The following ROBO1 variants were observed in gnomAD, a reference collection of about 807,000 sequenced individuals.
The protein encoded by ROBO1 is roundabout guidance receptor 1.
Under a neutral mutation model 195.9 loss-of-function variants are expected in ROBO1, and 149 were observed. The observed-to-expected ratio is 0.76, with a 90% CI of 0.67 to 0.87. ROBO1 has a LOEUF of 0.87. Among genes scored for constraint, ROBO1 ranks in the 40% least tolerant of loss-of-function variants. ROBO1 has a pLI of 0.00. For synonymous variants in ROBO1, 816 were observed against 733.2 expected (o/e 1.11, Z -1.82); for missense variants, 1,933 against 2,068.3 (o/e 0.93, Z 1.27).
intron 5 of ROBO1, among the ~76,000 whole-genome samples, chr3:78,718,354 C>T (rs2081954515): frequency 6.6e-6 from 1 of 152,084 alleles, no homozygotes; most frequent in Non-Finnish European, 1.5e-5. Context: ...TCTCTAATAA[C>T]TTAATTTGCC....
intron 2 of ROBO1, among the ~76,000 whole-genome samples, chr3:79,199,209 A>G (rs758534352): frequency 5.9e-4 from 90 of 151,830 alleles, no homozygotes; most frequent in Middle Eastern, 3.2e-3. Context: ...TCCATGCAAA[A>G]TTAAAGTTGT....
chr3:78,692,016 T>C (rs538960922), intron 8 of ROBO1, among the ~76,000 whole-genome samples: 34 of 151,424 alleles, frequency 2.2e-4, no homozygotes, highest in Admixed American at 1.2e-3. Flanking sequence ...TTTGTTGTTG[T>C]ATCAATAAAA....
chr3:78,815,718 ACTC>A (rs1330276266), intron 4 of ROBO1, among the ~76,000 whole-genome samples: 1 of 151,676 alleles, frequency 6.6e-6, no homozygotes, highest in Non-Finnish European at 1.5e-5. Flanking sequence ...ATAAGAAGCA[ACTC>A]CTCATCTGTT....
At chr3:79,599,557 C>T (rs761308360) in intron 1 of ROBO1, among the ~76,000 whole-genome samples, 79 of 151,952 alleles carry the variant, frequency 5.2e-4, no homozygotes, top group Non-Finnish European at 9.6e-4. Context: ...AGTGTAGCTA[C>T]TATAATCATT....
At chr3:78,922,440 G>C (rs1560003572) in intron 4 of ROBO1, among the ~76,000 whole-genome samples, 1 of 152,000 alleles carries the variant, frequency 6.6e-6, no homozygotes, top group Non-Finnish European at 1.5e-5. Flanking sequence ...AATTCTCATA[G>C]AAAAGCATAA....
Position 79,534,642 on chromosome 3 carries a change from G to C in ROBO1, c.88+55182C>G, listed in dbSNP as rs1268733800. Among the ~76,000 whole-genome samples the C allele has an allele frequency of 3.3e-5, 5 of 152,204 alleles. No homozygotes were observed. In the East Asian group the frequency reaches 9.7e-4, roughly 29 times the overall value. On this transcript the variant is annotated intron_variant, in intron 2 of 30. Transcript: ENST00000464233. ...TCTTTTATACCAATGCTTTCCTTTT[G>C]GGTGAGTTTCAAAAGAACTAAATGT...
At chr3:78,938,459 G>A in intron 4 of ROBO1, 142 bp downstream of exon 4, 1 of 648,078 alleles carries the variant, frequency 1.5e-6, no homozygotes, top group East Asian at 2.8e-5. Context: ...AACCGAAATA[G>A]TAGATTGTAT....
At chr3:79,626,831 A>T (rs1945194989) in intron 1 of ROBO1, among the ~76,000 whole-genome samples, 1 of 152,174 alleles carries the variant, frequency 6.6e-6, no homozygotes, top group Non-Finnish European at 1.5e-5. Flanking sequence ...AATGTGCAAA[A>T]GTCACAAGCA....
At chr3:78,830,085 T>C (rs2032017227) in intron 4 of ROBO1, among the ~76,000 whole-genome samples, 1 of 152,134 alleles carries the variant, frequency 6.6e-6, no homozygotes, top group African/African-American at 2.4e-5. Context: ...CCAATTTCTA[T>C]TAAAAGTCAG....
At chr3:78,910,587 TA>T (rs2038183961) in intron 4 of ROBO1, among the ~76,000 whole-genome samples, 1 of 151,828 alleles carries the variant, frequency 6.6e-6, no homozygotes, top group African/African-American at 2.4e-5. Flanking sequence ...CCAAAGTGGA[TA>T]AAGAGGATTA....
intron 2 of ROBO1, among the ~76,000 whole-genome samples, chr3:79,303,396 C>T (rs1449704991): frequency 6.6e-6 from 1 of 152,074 alleles, no homozygotes; most frequent in Non-Finnish European, 1.5e-5. Context: ...GAACTCCTGA[C>T]CTCAGGTGTT....
intron 8 of ROBO1, among the ~76,000 whole-genome samples, chr3:78,708,526 A>G (rs1226274754): frequency 2.0e-5 from 3 of 152,178 alleles, no homozygotes; most frequent in Non-Finnish European, 4.4e-5. Context: ...TAATTTGGCC[A>G]TCATCTGATT....
chr3:79,071,688 G>T (rs1422475330), intron 3 of ROBO1, among the ~76,000 whole-genome samples: 1 of 148,744 alleles, frequency 6.7e-6, no homozygotes. Flanking sequence ...AAGTAAATTT[G>T]TAATCCTTGT....
At chr3:78,961,840 AAC>A (rs1445334022) in intron 3 of ROBO1, among the ~76,000 whole-genome samples, 1 of 152,130 alleles carries the variant, frequency 6.6e-6, no homozygotes, top group Non-Finnish European at 1.5e-5. Flanking sequence ...AAAACTACAA[AAC>A]ACACTTTTGT....
intron 2 of ROBO1, among the ~76,000 whole-genome samples, chr3:79,259,179 C>T (rs1290680422): frequency 1.3e-5 from 2 of 152,040 alleles, no homozygotes; most frequent in African/African-American, 4.8e-5. Flanking sequence ...GGGTATTATT[C>T]CTTCACCTGG....
chr3:78,653,321 C>A (rs1417986487), intron 18 of ROBO1, among the ~76,000 whole-genome samples: 1 of 152,076 alleles, frequency 6.6e-6, no homozygotes, highest in Non-Finnish European at 1.5e-5. Flanking sequence ...TATGTAGATA[C>A]AACTTACTTG....
intron 1 of ROBO1, among the ~76,000 whole-genome samples, chr3:79,710,393 T>C (rs929852477): frequency 1.4e-5 from 2 of 143,848 alleles, no homozygotes; most frequent in Non-Finnish European, 3.1e-5. Context: ...CGAATATTAT[T>C]AGCAAACTAC....
At chr3:79,276,601 A>T (rs2031055528) in intron 2 of ROBO1, among the ~76,000 whole-genome samples, 1 of 152,078 alleles carries the variant, frequency 6.6e-6, no homozygotes, top group African/African-American at 2.4e-5. Context: ...ATAGGCAACC[A>T]AAGCAAAAGT....
chr3:78,829,482 A>G (rs1250118650), intron 4 of ROBO1, among the ~76,000 whole-genome samples: 1 of 152,070 alleles, frequency 6.6e-6, no homozygotes, highest in Non-Finnish European at 1.5e-5. Context: ...TTGGTCTTGT[A>G]CCTTTTTTGC....
Sources: gnomAD v4.1 joint callset for allele counts (sites outside exome capture counted in the v4.1 genomes callset) on GRCh38, gnomAD v4.1.1 for gene constraint, MANE v1.5 for transcripts, NCBI Gene and HGNC (gene_info 2026-07-23, HGNC 2026-07-21) for gene names.